Variants in ANXA2 observed in about 807,000 individuals in gnomAD.
The protein encoded by ANXA2 is annexin II.
In ANXA2, 28 loss-of-function variants were observed where a neutral mutation model predicts 47.3. That is an observed-to-expected ratio of 0.59 (90% confidence interval 0.44 to 0.81). The LOEUF (loss-of-function observed/expected upper bound fraction) is 0.81. Among genes scored for constraint, ANXA2 ranks in the 40% least tolerant of loss-of-function variants. The probability of loss-of-function intolerance (pLI) is 0.00; values close to 1 mark genes in which losing one functional copy is unlikely to be tolerated. For synonymous variants in ANXA2, 172 were observed against 155.5 expected (o/e 1.11, Z -0.79); for missense variants, 384 against 414.3 (o/e 0.93, Z 0.64).
intron 1 of ANXA2, among the ~76,000 whole-genome samples, chr15:60,390,022 G>A (rs1323363409): frequency 6.6e-6 from 1 of 152,126 alleles, no homozygotes; most frequent in Non-Finnish European, 1.5e-5. Context: ...GAAAGTATAT[G>A]GTTGACCTCA....
chr15:60,354,509 A>G (rs1206132784), intron 7 of ANXA2, among the ~76,000 whole-genome samples: 1 of 151,234 alleles, frequency 6.6e-6, no homozygotes, highest in African/African-American at 2.4e-5. Flanking sequence ...ACATGCCTGT[A>G]GTCCCAGCTA....
chr15:60,355,991 C>G lies in ANXA2; in HGVS notation c.456G>C (p.Lys152Asn). Residue 152 changes from lysine (K) to asparagine (N), a missense_variant, in exon 7 of 13, where the codon AAG becomes AAC. By Grantham distance (94) the Lys-to-Asn change is moderately conservative. Transcript: ENST00000451270. ...EINRVYKEMY[K>N]TDLEKDIISD... ...AAATAATGTCCTTCTCCAGATCAGT[C>G]TTGTACACTTGGAGGAAAATACATC... 6.2e-7 allele frequency: 1 copy of G among 1,613,262 alleles called. No homozygotes were observed. Among genetic ancestry groups the G allele is most frequent in the Non-Finnish European group, 8.5e-7 (1 of 1,179,274 alleles).
intron 1 of ANXA2, chr15:60,396,173 C>G (rs1005445724): frequency 2.0e-5 from 3 of 152,094 alleles, no homozygotes; most frequent in Non-Finnish European, 4.4e-5. Context: ...CTCAAGAGAT[C>G]CACTAGCTTG....
chr15:60,360,712 G>C (rs2062500170), intron 5 of ANXA2, among the ~76,000 whole-genome samples: 3 of 152,206 alleles, frequency 2.0e-5, no homozygotes. Context: ...CTGAGTAGTA[G>C]CAGCTGGTAA....
At chr15:60,380,338 G>A (rs536335483) in intron 3 of ANXA2, among the ~76,000 whole-genome samples, 1 of 152,188 alleles carries the variant, frequency 6.6e-6, no homozygotes, top group South Asian at 2.1e-4. Context: ...TGGCTAATGA[G>A]TGAGTTGTGG....
chr15:60,376,635 G>C (rs150025204), intron 3 of ANXA2, among the ~76,000 whole-genome samples: 7 of 152,294 alleles, frequency 4.6e-5, no homozygotes, highest in African/African-American at 1.7e-4. Flanking sequence ...TCTAACAGAG[G>C]GCTGCAAGTG....
chr15:60,353,230 T>C (rs1202193046), intron 8 of ANXA2, among the ~76,000 whole-genome samples: 1 of 152,238 alleles, frequency 6.6e-6, no homozygotes, highest in Non-Finnish European at 1.5e-5. Context: ...GTAAAGAATA[T>C]AGTTCATTGC....
At chr15:60,388,482 ACT>A (rs1343007324) in intron 1 of ANXA2, among the ~76,000 whole-genome samples, 1 of 152,046 alleles carries the variant, frequency 6.6e-6, no homozygotes, top group African/African-American at 2.4e-5. Context: ...GGCATAAACC[ACT>A]GTGTCCAGCC....
chr15:60,382,908 GGGAA>G (rs1221978352), intron 2 of ANXA2: 2 of 154,572 alleles, frequency 1.3e-5, no homozygotes, highest in Non-Finnish European at 2.9e-5. Context: ...AGATAAATGA[GGGAA>G]GCAGCTTCTC....
chr15:60,358,460 T>C (rs950809797), intron 5 of ANXA2, among the ~76,000 whole-genome samples: 2 of 152,232 alleles, frequency 1.3e-5, no homozygotes, highest in African/African-American at 4.8e-5. Flanking sequence ...TTATAAGGTG[T>C]TAATACAATA....
chr15:60,352,595 T>C lies in ANXA2; in HGVS notation c.589-119A>G, dbSNP rs759916614. 20 of 725,448 alleles carry C rather than the reference T, an allele frequency of 2.8e-5. No homozygotes were observed. Among genetic ancestry groups the C allele is most frequent in the Non-Finnish European group, 4.3e-5 (18 of 418,190 alleles). The allele number at this position is 725,448 out of a possible 1,614,324, so 44.9% of individuals were successfully genotyped here. On this transcript the variant is annotated intron_variant, in intron 8 of 12. Coordinates refer to ENST00000451270, the MANE Select transcript of ANXA2 (RefSeq NM_004039.3). The surrounding 1 kb of genome is among the most constrained non-coding windows in gnomAD (Gnocchi z 4.2). ...CAAAATGCCAAACGAGGAAAGATGATTATACTGCAGACATGGGCAGAGACC... is the reference window on the plus strand; with the variant it reads ...CAAAATGCCAAACGAGGAAAGATGACTATACTGCAGACATGGGCAGAGACC...
At chr15:60,377,644 A>G (rs1249187089) in intron 3 of ANXA2, among the ~76,000 whole-genome samples, 1 of 152,250 alleles carries the variant, frequency 6.6e-6, no homozygotes, top group African/African-American at 2.4e-5. Context: ...TTTCTAAAAA[A>G]TGCTGGCACA....
Position 60,377,695 on chromosome 15 carries a change from A to G in ANXA2, c.148+4647T>C, listed in dbSNP as rs954010067. Among the ~76,000 whole-genome samples the G allele has an allele frequency of 4.6e-5, 7 of 152,150 alleles. No individual in the cohort carries two copies. The South Asian group carries it at 1.0e-3, about 23-fold the overall frequency. On this transcript the variant is annotated intron_variant, in intron 3 of 12. Transcript: ENST00000451270. ...GCATTGCCACAAATCTTCAATTTGT[A>G]AAAACCATAATATCTACACAGTGCA...
intron 3 of ANXA2, among the ~76,000 whole-genome samples, chr15:60,377,501 A>G (rs1320464411): frequency 6.6e-6 from 1 of 152,232 alleles, no homozygotes; most frequent in African/African-American, 2.4e-5. Context: ...CCATCACAAT[A>G]AAGCAAATAT....
chr15:60,378,450 G>A (rs1295491490), intron 3 of ANXA2, among the ~76,000 whole-genome samples: 3 of 152,050 alleles, frequency 2.0e-5, no homozygotes, highest in Non-Finnish European at 4.4e-5. Flanking sequence ...TGATTATAAG[G>A]AAGTATACCT....
chr15:60,366,603 C>T (rs944364878), intron 3 of ANXA2, among the ~76,000 whole-genome samples: 1 of 147,910 alleles, frequency 6.8e-6, no homozygotes. Flanking sequence ...GGAGCCCCTC[C>T]GTCCGGCAAC....
intron 5 of ANXA2, 67 bp from the exon 6 acceptor site, chr15:60,357,303 C>T: frequency 7.5e-7 from 1 of 1,334,630 alleles, no homozygotes; most frequent in Non-Finnish European, 1.1e-6. Flanking sequence ...CTTCTCTGAT[C>T]TCCATCAAGT....
intron 7 of ANXA2, among the ~76,000 whole-genome samples, chr15:60,354,854 A>T (rs761435299): frequency 6.6e-6 from 1 of 152,146 alleles, no homozygotes; most frequent in Non-Finnish European, 1.5e-5. Context: ...CAGATGGAGG[A>T]ATATGTGGAA....
intron 3 of ANXA2, among the ~76,000 whole-genome samples, chr15:60,365,709 T>C (rs993225225): frequency 3.9e-5 from 6 of 152,232 alleles, no homozygotes; most frequent in Non-Finnish European, 8.8e-5. Context: ...AAAATGTATA[T>C]GCTCATTTCA....
Sources: gnomAD v4.1 joint callset for allele counts (sites outside exome capture counted in the v4.1 genomes callset) on GRCh38, gnomAD v4.1.1 for gene constraint, Gnocchi (gnomAD v3.1) non-coding constraint, MANE v1.5 for transcripts, NCBI Gene and HGNC (gene_info 2026-07-23, HGNC 2026-07-21) for gene names.